The following MYLIP variants were observed in gnomAD, a reference collection of about 807,000 sequenced individuals.
The protein encoded by MYLIP is myosin regulatory light chain interacting protein, also known as E3 ubiquitin-protein ligase MYLIP.
MYLIP carries 26 observed loss-of-function variants against 45.8 expected under a neutral mutation model. That is an observed-to-expected ratio of 0.57 (90% CI 0.42 to 0.79). The LOEUF is 0.79. Among genes scored for constraint, MYLIP ranks in the 30% least tolerant of loss-of-function variants. The pLI is 0.00. For synonymous variants in MYLIP, 213 were observed against 218.1 expected (o/e 0.98, Z 0.21); for missense variants, 494 against 555.6 (o/e 0.89, Z 1.11).
At chr6:16,145,413 C>T (rs997732325) in intron 6 of MYLIP, 96 bp downstream of exon 6, 151 of 1,348,028 alleles carry the variant, frequency 1.1e-4, no homozygotes, top group African/African-American at 2.0e-4. Context: ...AATGCACAGA[C>T]GGGGAATGCC....
intron 2 of MYLIP, among the ~76,000 whole-genome samples, chr6:16,134,630 C>T (rs990142839): frequency 6.6e-5 from 10 of 152,214 alleles, no homozygotes; most frequent in African/African-American, 2.4e-4. Context: ...TACATATTAA[C>T]TAAGTATTTC....
At chr6:16,155,949 A>G in the MYLIP span, among the ~76,000 whole-genome samples, 1 of 152,208 alleles carries the variant, frequency 6.6e-6, no homozygotes, top group Non-Finnish European at 1.5e-5. Context: ...TTTGGTGTCC[A>G]GGAAAAATCA....
At chr6:16,162,574 G>A in the MYLIP span, among the ~76,000 whole-genome samples, 1 of 152,082 alleles carries the variant, frequency 6.6e-6, no homozygotes, top group Non-Finnish European at 1.5e-5. Context: ...TGCAGCAGCA[G>A]ATTTAAGGAA....
At chr6:16,139,923 G>T (rs1759632235) in intron 2 of MYLIP, among the ~76,000 whole-genome samples, 1 of 152,104 alleles carries the variant, frequency 6.6e-6, no homozygotes. Flanking sequence ...ATTATAGAAT[G>T]CACAAAACAT....
In MYLIP at chr6:16,129,371, G is replaced by A. The variant is rs1759405738; in HGVS notation, c.49G>A (p.Val17Met). 3 of 1,595,042 alleles carry A rather than the reference G, an allele frequency of 1.9e-6. No individual in the cohort carries two copies. The highest frequency in any genetic ancestry group is 1.7e-4 in the Middle Eastern group (1 of 5,754). ...RPDAVLMEVE[V>M]EAKANGEDCL... ...GGACGCGGTGCTGATGGAGGTGGAG[G>A]TGGAGGCGAAAGCCAACGGCGAGGA... Residue 17 changes from valine (V) to methionine (M), a missense_variant, in exon 1 of 7, where the codon GTG (valine) becomes ATG (methionine). Val to Met is a conservative substitution (Grantham distance 21). Transcript: ENST00000356840. This position sits in a 1 kb window ranked among gnomAD's most constrained non-coding sequence, Gnocchi z 5.1.
the MYLIP span, among the ~76,000 whole-genome samples, chr6:16,159,916 CAA>C: frequency 6.6e-6 from 1 of 152,242 alleles, no homozygotes; most frequent in African/African-American, 2.4e-5. Context: ...CCGGGAGATA[CAA>C]ATAGTCATAA....
chr6:16,129,674 G>T lies in MYLIP; in HGVS notation c.87+265G>T, dbSNP rs921479279. ...CCGCAGCCGGGATCCACCCCCCAGCGCCCCATCATCCCCCCAACCCAGCAC... is the reference window on the plus strand; with the variant it reads ...CCGCAGCCGGGATCCACCCCCCAGCTCCCCATCATCCCCCCAACCCAGCAC... On this transcript the variant is annotated intron_variant, in intron 1 of 6. Coordinates refer to ENST00000356840, the MANE Select transcript of MYLIP (RefSeq NM_013262.4). This position sits in a 1 kb window ranked among gnomAD's most constrained non-coding sequence, Gnocchi z 5.1. 4.7e-4 allele frequency among the ~76,000 whole-genome samples: 72 copies of T among 152,300 alleles called. 1 individual carries two copies. Among genetic ancestry groups the T allele is most frequent in the African/African-American group, 1.7e-3 (71 of 41,572 alleles).
downstream of MYLIP, among the ~76,000 whole-genome samples, chr6:16,151,843 T>A (rs1383854951): frequency 6.6e-6 from 1 of 152,234 alleles, no homozygotes; most frequent in Non-Finnish European, 1.5e-5. Context: ...AAGCTTGCCA[T>A]AGTGCTAAGG....
chr6:16,147,118 T>C lies in MYLIP; in HGVS notation c.*367T>C, dbSNP rs2072781. 22,298 of 163,876 alleles carry C rather than the reference T, an allele frequency of 0.14. 1,833 individuals are homozygous for C. The highest frequency in any genetic ancestry group is 0.27 in the East Asian group (1,583 of 5,968). The allele number at this position is 163,876 out of a possible 1,614,324, so 10.2% of individuals were successfully genotyped here. ...TGTTGTAAGTCTCCTTAATGTATCC[T>C]GAGGTAAGTTTCCTACTGGCAGCAG... On this transcript the variant is annotated 3_prime_UTR_variant, in exon 7 of 7. Transcript: ENST00000356840.
intron 2 of MYLIP, among the ~76,000 whole-genome samples, chr6:16,136,557 G>T (rs1379978090): frequency 3.3e-5 from 5 of 151,768 alleles, no homozygotes; most frequent in African/African-American, 1.2e-4. Context: ...TTTTTTTGTA[G>T]ACACATATTT....
Position 16,143,028 on chromosome 6 carries a change from CA to C in MYLIP, c.477del (p.Lys159AsnfsTer29). 2.5e-6 allele frequency: 4 copies of C among 1,613,794 alleles called. No homozygotes were observed. The highest frequency in any genetic ancestry group is 3.4e-6 in the Non-Finnish European group (4 of 1,179,826). On this transcript the variant is annotated frameshift_variant, in exon 4 of 7. Transcript: ENST00000356840. LOFTEE classifies it high-confidence loss of function. ...LSSATLNSIV[A>X]KHKELEGTSQ... is the part of the protein sequence containing the mutation. ...CTCTTGGTGTCCTCCAGCATTGTTG[CA>C]AAACATAAGGAGTTGGAGGGGACCA... is the stretch of plus-strand genomic sequence containing the variant.
chr6:16,144,704 C>T (rs1337169368), intron 5 of MYLIP, among the ~76,000 whole-genome samples, 193 bp from the exon 6 acceptor site: 3 of 152,126 alleles, frequency 2.0e-5, no homozygotes, highest in African/African-American at 4.8e-5. Flanking sequence ...GCCATAATGT[C>T]AGGAGATGTT....
Position 16,143,179 on chromosome 6 carries a change from A to T in MYLIP, c.624A>T (p.Gly208=). 2 of 1,614,232 alleles carry T rather than the reference A, an allele frequency of 1.2e-6. No individual in the cohort carries two copies. The highest frequency in any genetic ancestry group is 1.7e-6 in the Non-Finnish European group (2 of 1,180,030). The part of the protein sequence containing the change: ...QKLLIGVGPE[G]ISICKDDFSP... Reference sequence around the variant, plus strand: ...TGCTCATTGGGGTTGGACCTGAAGGAATCTCAATTTGTAAAGATGACTTTA... The same window carrying T: ...TGCTCATTGGGGTTGGACCTGAAGGTATCTCAATTTGTAAAGATGACTTTA... The change falls in exon 4 of 7, where the codon GGA becomes GGT. Residue 208 remains glycine (G), a synonymous_variant. Transcript: ENST00000356840.
At chr6:16,154,903 C>T in the MYLIP span, among the ~76,000 whole-genome samples, 13 of 152,122 alleles carry the variant, frequency 8.5e-5, no homozygotes, top group African/African-American at 3.1e-4. Flanking sequence ...CTTAAATAAA[C>T]AGTGAGAAGG....
At chr6:16,162,077 T>G in the MYLIP span, among the ~76,000 whole-genome samples, 1 of 152,236 alleles carries the variant, frequency 6.6e-6, no homozygotes, top group Non-Finnish European at 1.5e-5. Flanking sequence ...AATAATTGAT[T>G]TTTTGCTAAG....
At chr6:16,162,411 A>T in the MYLIP span, among the ~76,000 whole-genome samples, 1 of 152,286 alleles carries the variant, frequency 6.6e-6, no homozygotes, top group South Asian at 2.1e-4. Flanking sequence ...AGGAGTAAGA[A>T]ATGGCTTGAC....
chr6:16,140,479 C>T (rs114680787), intron 2 of MYLIP, among the ~76,000 whole-genome samples: 3,353 of 152,214 alleles, frequency 0.022, 101 homozygotes, highest in African/African-American at 0.072. Context: ...ATTTTTGGAG[C>T]TCTCTGATGT....
At chr6:16,156,380 G>A in the MYLIP span, among the ~76,000 whole-genome samples, 1 of 152,146 alleles carries the variant, frequency 6.6e-6, no homozygotes, top group African/African-American at 2.4e-5. Context: ...GAACATATTT[G>A]CTGCTTCTCT....
intron 2 of MYLIP, among the ~76,000 whole-genome samples, chr6:16,136,570 A>G (rs944125838): frequency 5.3e-5 from 8 of 152,096 alleles, no homozygotes; most frequent in African/African-American, 1.7e-4. Flanking sequence ...ACATATTTTC[A>G]TTTCTCTTGA....
Sources: gnomAD v4.1 joint callset for allele counts (sites outside exome capture counted in the v4.1 genomes callset) on GRCh38, gnomAD v4.1.1 for gene constraint, Gnocchi (gnomAD v3.1) non-coding constraint, MANE v1.5 for transcripts, NCBI Gene and HGNC (gene_info 2026-07-23, HGNC 2026-07-21) for gene names.